MBTPS1: variants seen among roughly 807,000 people sequenced by gnomAD.
MBTPS1 encodes the protein membrane bound transcription factor peptidase, site 1, also known as membrane-bound transcription factor site-1 protease.
Under a neutral mutation model 127.8 loss-of-function variants are expected in MBTPS1, and 94 were observed. The ratio of observed to expected loss-of-function variants is 0.74; its 90% CI spans 0.62 to 0.87. The LOEUF is 0.87. MBTPS1 is among the 40% of genes least tolerant of loss of function. The probability of loss-of-function intolerance (pLI) is 0.00; values close to 1 mark genes in which losing one functional copy is unlikely to be tolerated. For missense variants in MBTPS1, 1,636 were observed against 1,353.2 expected (o/e 1.21, Z -3.28); for synonymous variants, 632 against 509.4 (o/e 1.24, Z -3.24).
At chr16:84,087,921 A>G (rs1426650997) in intron 8 of MBTPS1, among the ~76,000 whole-genome samples, 1 of 152,104 alleles carries the variant, frequency 6.6e-6, no homozygotes, top group East Asian at 1.9e-4. Context: ...CCATAACCAC[A>G]CATTTACATC....
Position 84,107,850 on chromosome 16 carries a change from C to T in MBTPS1, c.-324-5743G>A, listed in dbSNP as rs11648308. Among the ~76,000 whole-genome samples the T allele has an allele frequency of 2.0e-5, 3 of 150,070 alleles. 1 individual carries two copies. In the South Asian group the frequency reaches 6.3e-4, roughly 31 times the overall value. ...CTACCAAGTTGCACGGACTACAATA[C>T]GGCACTATGTCCAGCTAATTTTTTT... On this transcript the variant is annotated intron_variant, in intron 1 of 22. Transcript: ENST00000343411.
At chr16:84,068,726 G>A (rs1034921337) in intron 14 of MBTPS1, among the ~76,000 whole-genome samples, 1 of 152,242 alleles carries the variant, frequency 6.6e-6, no homozygotes, top group African/African-American at 2.4e-5. Flanking sequence ...TGTTTAATGT[G>A]TCCTGGACCA....
chr16:84,061,215 T>C (rs1445465580), intron 19 of MBTPS1: 1 of 164,114 alleles, frequency 6.1e-6, no homozygotes, highest in African/African-American at 2.4e-5. Context: ...CGAGTTTAGG[T>C]CAAAGTAAAT....
At chr16:84,097,935 G>T (rs535892072) in intron 3 of MBTPS1, among the ~76,000 whole-genome samples, 2 of 151,340 alleles carry the variant, frequency 1.3e-5, no homozygotes, top group Non-Finnish European at 2.9e-5. Flanking sequence ...GATAGACAAA[G>T]AAGAGTAAAA....
At chr16:84,072,469 T>A (rs1446699152) in intron 12 of MBTPS1, among the ~76,000 whole-genome samples, 3 of 152,194 alleles carry the variant, frequency 2.0e-5, no homozygotes, top group Middle Eastern at 3.2e-3. Flanking sequence ...CTCAATTTTT[T>A]AAAACACTAA....
intron 9 of MBTPS1, among the ~76,000 whole-genome samples, chr16:84,086,787 C>A (rs562738819): frequency 1.3e-5 from 2 of 152,268 alleles, no homozygotes; most frequent in Admixed American, 1.3e-4. Flanking sequence ...TCTGCACGAG[C>A]GTCTAATTTT....
intron 1 of MBTPS1, chr16:84,109,727 G>C (rs1054892506): frequency 2.0e-5 from 3 of 152,214 alleles, no homozygotes; most frequent in African/African-American, 7.2e-5. Flanking sequence ...GGAGACTCCA[G>C]AGTCAGTGCA....
chr16:84,081,835 G>C lies in MBTPS1; in HGVS notation c.1360C>G (p.Pro454Ala). The C allele has an allele frequency of 6.5e-7, 1 of 1,532,626 alleles. No homozygotes were observed. Among genetic ancestry groups the C allele is most frequent in the South Asian group, 1.3e-5 (1 of 79,922 alleles). The allele number at this position is 1,532,626 out of a possible 1,614,324, so 94.9% of individuals were successfully genotyped here. A position where few individuals can be genotyped will look rare whatever the true frequency, so the allele number is the denominator to read the frequency against. ...QALIASARRL[P>A]GVNMFEQGHG... The stretch of plus-strand genomic sequence containing the variant: ...CCTTGCTCAAACATGTTGACCCCGG[G>C]GAGCCTCCGGGCTGACGCGATCAGG... Residue 454 changes from proline (P) to alanine (A), a missense_variant, in exon 11 of 23, where the codon CCC (proline) becomes GCC (alanine). Pro to Ala is a conservative substitution (Grantham distance 27, BLOSUM62 -1). Coordinates refer to ENST00000343411, the MANE Select transcript of MBTPS1 (RefSeq NM_003791.4).
At chr16:84,076,907 A>C (rs2085861774) in intron 11 of MBTPS1, among the ~76,000 whole-genome samples, 1 of 152,244 alleles carries the variant, frequency 6.6e-6, no homozygotes, top group Non-Finnish European at 1.5e-5. Context: ...ATGAAAATTC[A>C]TATGAAGAAA....
At chr16:84,101,074 G>A (rs545859695) in intron 2 of MBTPS1, among the ~76,000 whole-genome samples, 1 of 151,694 alleles carries the variant, frequency 6.6e-6, no homozygotes, top group African/African-American at 2.4e-5. Flanking sequence ...GCCAAGGCAG[G>A]CGGATCACGA....
rs1443758557 is a variant in MBTPS1 at position 84,092,199 on chromosome 16, T to C, written c.847-351A>G. Among the ~76,000 whole-genome samples, 3 of 152,182 alleles carry C rather than the reference T, an allele frequency of 2.0e-5. No individual in the cohort carries two copies. The East Asian group carries it at 5.8e-4, about 29-fold the overall frequency. ...AAGGACTTATCCCAAGGCACTTCTATTAAGTTAAGCATTTTGGAATAGTTC... is the reference window on the plus strand; with the variant it reads ...AAGGACTTATCCCAAGGCACTTCTACTAAGTTAAGCATTTTGGAATAGTTC... On this transcript the variant is annotated intron_variant, in intron 6 of 22. Coordinates refer to ENST00000343411, the MANE Select transcript of MBTPS1 (RefSeq NM_003791.4).
At chr16:84,060,571 C>A in intron 20 of MBTPS1, 111 bp downstream of exon 20, 1 of 1,257,970 alleles carries the variant, frequency 7.9e-7, no homozygotes, top group South Asian at 1.4e-5. Flanking sequence ...AACCACTCAG[C>A]GGCGCACACA....
At chr16:84,061,974 A>C (rs1039910607) in intron 19 of MBTPS1, among the ~76,000 whole-genome samples, 2 of 152,198 alleles carry the variant, frequency 1.3e-5, no homozygotes, top group Non-Finnish European at 2.9e-5. Flanking sequence ...CTGCCATTTT[A>C]AATGTAAGGC....
At chr16:84,082,455 G>A (rs901781290) in intron 10 of MBTPS1, among the ~76,000 whole-genome samples, 1 of 152,172 alleles carries the variant, frequency 6.6e-6, no homozygotes. Context: ...CTTTCAGAAC[G>A]ACATAGACCT....
rs3743634 is a variant in MBTPS1, at chr16:84,093,178, A to G, written c.846+10T>C. The G allele has an allele frequency of 3.0e-4, 471 of 1,582,886 alleles. 4 individuals carry two copies. The East Asian group carries it at 0.01, about 35-fold the overall frequency. On this transcript the variant is annotated intron_variant, in intron 6 of 22. Coordinates refer to ENST00000343411, the MANE Select transcript of MBTPS1 (RefSeq NM_003791.4). ...ATTCCTCAAGTTTCAGGAGTCCTCA[A>G]AACACCTACCTGATTATTGGTAAAG...
intron 10 of MBTPS1, among the ~76,000 whole-genome samples, chr16:84,084,372 C>T (rs1003953194): frequency 1.1e-4 from 17 of 152,200 alleles, no homozygotes; most frequent in African/African-American, 3.4e-4. Context: ...CTGTCAGTCC[C>T]TGGTGGCTCT....
rs571772752 is a variant in MBTPS1 at position 84,085,677 on chromosome 16, A to G, written c.1135-543T>C. ...GTAAATTTTTAAAAATATATTTTAT[A>G]ACAACCAGAACAATGGCAAAGGCAT... is the stretch of plus-strand genomic sequence containing the variant. On this transcript the variant is annotated intron_variant, in intron 9 of 22. Transcript: ENST00000343411. Among the ~76,000 whole-genome samples the G allele has an allele frequency of 2.0e-5, 3 of 152,186 alleles. No individual in the cohort carries two copies. The East Asian group carries it at 5.8e-4, about 29-fold the overall frequency.
chr16:84,111,013 C>T (rs948274404), intron 1 of MBTPS1, among the ~76,000 whole-genome samples: 2 of 152,220 alleles, frequency 1.3e-5, no homozygotes, highest in Non-Finnish European at 2.9e-5. Context: ...AATGCTCCTC[C>T]TGCAGTAGGC....
chr16:84,088,692 CCAGA>C (rs2086063578), intron 8 of MBTPS1, among the ~76,000 whole-genome samples: 1 of 152,118 alleles, frequency 6.6e-6, no homozygotes, highest in Non-Finnish European at 1.5e-5. Context: ...GGCACAGGAC[CCAGA>C]CAAAGAGACC....
Sources: gnomAD v4.1 joint callset for allele counts (sites outside exome capture counted in the v4.1 genomes callset) on GRCh38, gnomAD v4.1.1 for gene constraint, MANE v1.5 for transcripts, NCBI Gene and HGNC (gene_info 2026-07-23, HGNC 2026-07-21) for gene names.